Variants in LARGE1 observed in about 807,000 individuals in gnomAD.
The protein encoded by LARGE1 is xylosyl- and glucuronyltransferase LARGE1.
Under a neutral mutation model 87.6 loss-of-function variants are expected in LARGE1, and 43 were observed. The observed-to-expected ratio is 0.49, with a 90% confidence interval of 0.38 to 0.63. The LOEUF (loss-of-function observed/expected upper bound fraction) is 0.63. LARGE1 is among the 30% of genes least tolerant of loss of function. The probability of loss-of-function intolerance (pLI) is 0.00; values close to 1 mark genes in which losing one functional copy is unlikely to be tolerated. For synonymous variants in LARGE1, 434 were observed against 394.6 expected (o/e 1.10, Z -1.18); for missense variants, 802 against 1,000.2 (o/e 0.80, Z 2.67).
At chr22:33,110,238 G>A in the LARGE1 span, among the ~76,000 whole-genome samples, 10 of 152,194 alleles carry the variant, frequency 6.6e-5, no homozygotes, top group African/African-American at 9.7e-5. Flanking sequence ...CAGGGGTGGG[G>A]CCTGATTAAT....
chr22:33,582,586 T>G (rs927009446), intron 5 of LARGE1, among the ~76,000 whole-genome samples: 1 of 152,230 alleles, frequency 6.6e-6, no homozygotes, highest in Non-Finnish European at 1.5e-5. Flanking sequence ...GGCAATGAAC[T>G]AGCCATTGGC....
At chr22:33,848,739 G>T (rs1453018846) in intron 1 of LARGE1, among the ~76,000 whole-genome samples, 1 of 152,144 alleles carries the variant, frequency 6.6e-6, no homozygotes, top group Non-Finnish European at 1.5e-5. Flanking sequence ...CTCAAGACAA[G>T]ACCCTTTAAT....
intron 3 of LARGE1, among the ~76,000 whole-genome samples, chr22:33,626,910 T>C (rs964905656): frequency 6.6e-6 from 1 of 152,188 alleles, no homozygotes; most frequent in Non-Finnish European, 1.5e-5. Context: ...GCCTCAGACA[T>C]GAATCCCTGA....
rs182418787 is a variant in LARGE1, at chr22:33,864,960, T to C, written c.-83+55035A>G. Among the ~76,000 whole-genome samples the C allele has an allele frequency of 1.5e-3, 230 of 152,344 alleles. 1 individual carries two copies. The highest frequency in any genetic ancestry group is 6.2e-4 in the Non-Finnish European group (42 of 68,022). The stretch of plus-strand genomic sequence containing the variant: ...CTTTAACCTACTTCTGCTCCTGACC[T>C]GGATCCCTGGCCCACCCACAGGTTG... On this transcript the variant is annotated intron_variant, in intron 1 of 14. Transcript: ENST00000397394.
rs1262783808 is a variant in LARGE1 at position 33,459,629 on chromosome 22, C to A, written c.788-27364G>T. On this transcript the variant is annotated intron_variant, in intron 6 of 14. Transcript: ENST00000397394. ...CCCCCAATAGCACCCAAGAACAATG[C>A]AGGTAAGTTCCTGCTCTGTAAGCTG... is the stretch of plus-strand genomic sequence containing the variant. Among the ~76,000 whole-genome samples, 3 of 148,996 alleles carry A rather than the reference C, an allele frequency of 2.0e-5. No individual in the cohort carries two copies. In the East Asian group the frequency reaches 5.9e-4, roughly 29 times the overall value.
At chr22:33,502,988 C>G (rs1260241655) in intron 6 of LARGE1, among the ~76,000 whole-genome samples, 1 of 152,122 alleles carries the variant, frequency 6.6e-6, no homozygotes, top group African/African-American at 2.4e-5. Context: ...GAAAGAATAG[C>G]TGAAAAACCC....
chr22:33,590,149 C>G (rs12169954), intron 5 of LARGE1, among the ~76,000 whole-genome samples: 1 of 152,160 alleles, frequency 6.6e-6, no homozygotes, highest in African/African-American at 2.4e-5. Flanking sequence ...CTTAGTATAT[C>G]TGGAAGTTTT....
At chr22:33,646,638 T>C (rs1222736685) in intron 3 of LARGE1, among the ~76,000 whole-genome samples, 4 of 152,156 alleles carry the variant, frequency 2.6e-5, no homozygotes, top group African/African-American at 9.7e-5. Flanking sequence ...TGAATTCCTA[T>C]ATGACTGTTT....
chr22:33,283,783 G>A (rs1930948036), intron 12 of LARGE1, among the ~76,000 whole-genome samples: 1 of 141,450 alleles, frequency 7.1e-6, no homozygotes, highest in Non-Finnish European at 1.5e-5. Flanking sequence ...TCAAAAAAAA[G>A]GTGGGGGGAA....
At chr22:33,369,577 AT>A (rs2064731748) in intron 9 of LARGE1, among the ~76,000 whole-genome samples, 1 of 145,818 alleles carries the variant, frequency 6.9e-6, no homozygotes, top group East Asian at 2.0e-4. Context: ...TTTCTTTTTT[AT>A]TTTTGAGACA....
At chr22:33,759,149 C>T (rs1241384741) in intron 2 of LARGE1, among the ~76,000 whole-genome samples, 3 of 152,160 alleles carry the variant, frequency 2.0e-5, no homozygotes, top group Non-Finnish European at 2.9e-5. Context: ...TAGCTACAAG[C>T]CCCTGGATCC....
chr22:33,319,701 A>G (rs1936530642), intron 10 of LARGE1, among the ~76,000 whole-genome samples: 1 of 152,060 alleles, frequency 6.6e-6, no homozygotes, highest in Non-Finnish European at 1.5e-5. Flanking sequence ...CGGCCAATAA[A>G]TGCTTCTTGA....
At chr22:33,255,238 C>T (rs948363745) in intron 11 of LARGE1, among the ~76,000 whole-genome samples, 10 of 152,010 alleles carry the variant, frequency 6.6e-5, no homozygotes, top group African/African-American at 1.9e-4. Context: ...GTGCCTGGCC[C>T]GGGAAGTAAA....
At chr22:33,302,114 C>T (rs1405437295) in intron 12 of LARGE1, among the ~76,000 whole-genome samples, 1 of 152,224 alleles carries the variant, frequency 6.6e-6, no homozygotes. Flanking sequence ...CATCATCTAT[C>T]TGTTCCCTTG....
intron 1 of LARGE1, among the ~76,000 whole-genome samples, chr22:33,821,724 T>A (rs1051259534): frequency 8.1e-5 from 10 of 123,624 alleles, no homozygotes; most frequent in Non-Finnish European, 1.6e-5. Flanking sequence ...AGCAGAAAGG[T>A]GTGTGCATGT....
rs541000632 is a variant in LARGE1 at position 33,769,704 on chromosome 22, T to C, written c.-82-8146A>G. Among the ~76,000 whole-genome samples the C allele has an allele frequency of 1.7e-3, 265 of 152,332 alleles. 1 individual carries two copies. Among genetic ancestry groups the C allele is most frequent in the African/African-American group, 6.2e-3 (256 of 41,580 alleles). ...TCTCACGTCATTCTGCCTCTTGCTT[T>C]TATGTGAAAGTGGAGCTGTCCCCTA... On this transcript the variant is annotated intron_variant, in intron 1 of 14. Transcript: ENST00000397394.
intron 6 of LARGE1, among the ~76,000 whole-genome samples, chr22:33,480,020 C>T (rs1407505459): frequency 6.6e-6 from 1 of 152,174 alleles, no homozygotes; most frequent in Admixed American, 6.5e-5. Context: ...GCTGGGATTA[C>T]AGGCGTGAAC....
At chr22:33,823,672 G>A (rs2062702365) in intron 1 of LARGE1, among the ~76,000 whole-genome samples, 1 of 152,160 alleles carries the variant, frequency 6.6e-6, no homozygotes, top group Non-Finnish European at 1.5e-5. Flanking sequence ...GTAGACAGAT[G>A]CATCTGCACA....
chr22:33,636,636 T>C (rs2080275835), intron 3 of LARGE1, among the ~76,000 whole-genome samples: 1 of 152,134 alleles, frequency 6.6e-6, no homozygotes. Context: ...CAAGCGATCC[T>C]CTCACCTCAG....
Sources: gnomAD v4.1 joint callset for allele counts (sites outside exome capture counted in the v4.1 genomes callset) on GRCh38, gnomAD v4.1.1 for gene constraint, MANE v1.5 for transcripts, NCBI Gene and HGNC (gene_info 2026-07-23, HGNC 2026-07-21) for gene names.